SYN3: variants seen among roughly 807,000 people sequenced by gnomAD.
SYN3 encodes the protein synapsin-3.
Under a neutral mutation model 65.8 loss-of-function variants are expected in SYN3, and 35 were observed. The observed-to-expected ratio is 0.53, with a 90% CI of 0.41 to 0.70. The LOEUF is 0.70. Among genes scored for constraint, SYN3 ranks in the 30% least tolerant of loss-of-function variants. SYN3 has a pLI of 0.00. For synonymous variants in SYN3, 270 were observed against 292.9 expected (o/e 0.92, Z 0.80); for missense variants, 680 against 749.0 (o/e 0.91, Z 1.08).
intron 7 of SYN3, among the ~76,000 whole-genome samples, chr22:32,589,935 G>A (rs2059104890): frequency 6.6e-6 from 1 of 152,068 alleles, no homozygotes; most frequent in Non-Finnish European, 1.5e-5. Flanking sequence ...CAGGGCTCTT[G>A]TTTTTGTTCT....
At chr22:32,615,864 G>A (rs543587725) in intron 6 of SYN3, among the ~76,000 whole-genome samples, 2 of 152,342 alleles carry the variant, frequency 1.3e-5, no homozygotes, top group South Asian at 4.1e-4. Flanking sequence ...GGGCATCCAG[G>A]TACGACAGGG....
At chr22:32,773,127 T>G (rs998559929) in intron 6 of SYN3, among the ~76,000 whole-genome samples, 2 of 152,130 alleles carry the variant, frequency 1.3e-5, no homozygotes, top group Non-Finnish European at 1.5e-5. Context: ...AATGGAACAG[T>G]GTCGGGCGTG....
intron 6 of SYN3, among the ~76,000 whole-genome samples, chr22:32,775,255 T>C (rs1160014322): frequency 6.6e-6 from 1 of 152,136 alleles, no homozygotes; most frequent in Non-Finnish European, 1.5e-5. Context: ...ACTAATCCTA[T>C]GAGATCAGGG....
intron 6 of SYN3, among the ~76,000 whole-genome samples, chr22:32,759,290 C>T (rs1030921536): frequency 3.3e-5 from 5 of 151,924 alleles, no homozygotes; most frequent in African/African-American, 7.3e-5. Flanking sequence ...TTTAATCTTC[C>T]GGAACTGTCA....
intron 6 of SYN3, among the ~76,000 whole-genome samples, chr22:32,622,915 A>T (rs2059615325): frequency 6.6e-6 from 1 of 151,982 alleles, no homozygotes; most frequent in Non-Finnish European, 1.5e-5. Flanking sequence ...GGGACATGAC[A>T]TGCTCAGGGA....
At chr22:32,790,369 T>C (rs534515540) in intron 6 of SYN3, among the ~76,000 whole-genome samples, 1 of 151,836 alleles carries the variant, frequency 6.6e-6, no homozygotes, top group Non-Finnish European at 1.5e-5. Context: ...TTCATTAATA[T>C]AATTTATTAG....
intron 6 of SYN3, among the ~76,000 whole-genome samples, chr22:32,769,001 C>T (rs1199125445): frequency 1.3e-5 from 2 of 152,192 alleles, no homozygotes; most frequent in Non-Finnish European, 2.9e-5. Context: ...TCCATGGAAA[C>T]CCTTCACTTG....
chr22:32,948,068 C>G (rs965279004), intron 3 of SYN3, among the ~76,000 whole-genome samples: 13 of 152,214 alleles, frequency 8.5e-5, no homozygotes, highest in Admixed American at 7.2e-4. Flanking sequence ...CATCTTCAAA[C>G]TAGTAATGGC....
intron 1 of SYN3, among the ~76,000 whole-genome samples, chr22:33,041,281 C>T (rs2053959499): frequency 6.9e-6 from 1 of 145,844 alleles, no homozygotes; most frequent in African/African-American, 2.6e-5. Flanking sequence ...CCATGTAGCA[C>T]TAGGAACTCT....
At chr22:32,674,423 C>T (rs2060412974) in intron 6 of SYN3, among the ~76,000 whole-genome samples, 1 of 152,140 alleles carries the variant, frequency 6.6e-6, no homozygotes, top group South Asian at 2.1e-4. Flanking sequence ...AGGGAAGGGG[C>T]TTTGCTTCTG....
At chr22:32,857,913 A>C (rs924997801) in intron 6 of SYN3, 25 of 1,574,020 alleles carry the variant, frequency 1.6e-5, no homozygotes, top group Non-Finnish European at 2.1e-5. Flanking sequence ...AAAAGTACCC[A>C]GCCACAGTGC....
rs1051211164 is a variant in SYN3 at position 32,611,553 on chromosome 22, A to G, written c.712-14817T>C. Among the ~76,000 whole-genome samples the G allele has an allele frequency of 8.6e-5, 13 of 151,866 alleles. 1 individual carries two copies. Among genetic ancestry groups the G allele is most frequent in the Non-Finnish European group, 1.9e-4 (13 of 67,964 alleles). ...GTGATCTGCCCGCCTCGGCCTCCCA[A>G]AGTGCTGCGATTACAGGCTTGAGCC... On this transcript the variant is annotated intron_variant, in intron 6 of 13. Transcript: ENST00000358763.
chr22:32,932,353 C>G (rs954703916), intron 3 of SYN3, among the ~76,000 whole-genome samples: 15 of 151,872 alleles, frequency 9.9e-5, no homozygotes, highest in Admixed American at 6.6e-5. Flanking sequence ...CTTTTGGTCA[C>G]AGTTGATGGG....
chr22:32,952,084 C>A (rs1181176645), intron 3 of SYN3, among the ~76,000 whole-genome samples: 4 of 152,194 alleles, frequency 2.6e-5, no homozygotes, highest in Non-Finnish European at 5.9e-5. Context: ...CTCTTTCCCA[C>A]CAGTTCAGAC....
intron 6 of SYN3, among the ~76,000 whole-genome samples, chr22:32,842,793 T>A (rs1398176726): frequency 6.6e-6 from 1 of 152,180 alleles, no homozygotes; most frequent in African/African-American, 2.4e-5. Context: ...GATGATACGA[T>A]ATACTGTTAT....
intron 6 of SYN3, among the ~76,000 whole-genome samples, chr22:32,692,147 C>T (rs371806532): frequency 2.5e-4 from 2 of 7,852 alleles, no homozygotes; most frequent in Non-Finnish European, 5.5e-4. Context: ...AAAGAAAAGA[C>T]AAAAAGACAA....
At chr22:32,766,189 C>G (rs750812178) in intron 6 of SYN3, among the ~76,000 whole-genome samples, 13 of 152,142 alleles carry the variant, frequency 8.5e-5, no homozygotes, top group Non-Finnish European at 1.3e-4. Flanking sequence ...GGAAAAGGCA[C>G]TTAGGGAAGG....
intron 7 of SYN3, among the ~76,000 whole-genome samples, chr22:32,575,669 A>T (rs2058840623): frequency 1.3e-5 from 2 of 152,158 alleles, no homozygotes. Flanking sequence ...TTCTATTTTC[A>T]CAGCACTCAC....
At chr22:33,011,045 T>G (rs1258862674) in intron 1 of SYN3, among the ~76,000 whole-genome samples, 7 of 152,230 alleles carry the variant, frequency 4.6e-5, no homozygotes, top group Non-Finnish European at 1.0e-4. Context: ...CTTTACTTCT[T>G]TCTTTCTAAT....
Sources: gnomAD v4.1 joint callset for allele counts (sites outside exome capture counted in the v4.1 genomes callset) on GRCh38, gnomAD v4.1.1 for gene constraint, MANE v1.5 for transcripts, NCBI Gene and HGNC (gene_info 2026-07-23, HGNC 2026-07-21) for gene names.